SPON1: variants seen among roughly 807,000 people sequenced by gnomAD.
The protein encoded by SPON1 is spondin-1.
In SPON1, 52 loss-of-function variants were observed where a neutral mutation model predicts 111.7. That is an observed-to-expected ratio of 0.47 (90% CI 0.37 to 0.59). The LOEUF is 0.59. Ranked by LOEUF, SPON1 falls within the 20% of genes least tolerant of loss-of-function variation. The pLI is 0.00. For synonymous variants in SPON1, 410 were observed against 395.8 expected (o/e 1.04, Z -0.43); for missense variants, 957 against 1,068.5 (o/e 0.90, Z 1.46).
intron 6 of SPON1, among the ~76,000 whole-genome samples, chr11:14,157,835 G>T (rs1554930535): frequency 6.6e-6 from 1 of 151,770 alleles, no homozygotes; most frequent in Non-Finnish European, 1.5e-5. Context: ...ATTAATATTA[G>T]TTCTAGAATT....
chr11:14,030,615 G>A lies in SPON1; in HGVS notation c.346-10906G>A, dbSNP rs1377306881. ...TTGAAGAGATGCTAATGCAAAAAGG[G>A]ATGCTAGTTCAGAGACATGCAAATC... On this transcript the variant is annotated intron_variant, in intron 2 of 15. Transcript: ENST00000576479. Among the ~76,000 whole-genome samples the A allele has an allele frequency of 2.6e-5, 4 of 152,218 alleles. 1 individual carries two copies. The highest frequency in any genetic ancestry group is 2.6e-4 in the Admixed American group (4 of 15,280).
intron 6 of SPON1, among the ~76,000 whole-genome samples, chr11:14,219,340 A>G (rs782360272): frequency 2.6e-5 from 4 of 152,234 alleles, no homozygotes; most frequent in Non-Finnish European, 5.9e-5. Flanking sequence ...GGAAAAAGTT[A>G]TCCTAGTTTC....
chr11:14,068,054 A>C (rs1244320967), intron 3 of SPON1, among the ~76,000 whole-genome samples: 2 of 152,218 alleles, frequency 1.3e-5, no homozygotes, highest in Non-Finnish European at 2.9e-5. Context: ...TCACATCTAA[A>C]GTAGTTCTTT....
chr11:14,149,235 A>C (rs897514254), intron 6 of SPON1, among the ~76,000 whole-genome samples: 2 of 152,278 alleles, frequency 1.3e-5, no homozygotes, highest in East Asian at 3.9e-4. Flanking sequence ...GATGTTGATG[A>C]TCCTGACCCT....
chr11:14,162,050 C>G (rs1039293207), intron 6 of SPON1, among the ~76,000 whole-genome samples: 1 of 150,572 alleles, frequency 6.6e-6, no homozygotes, highest in Non-Finnish European at 1.5e-5. Context: ...CCCAGCTACT[C>G]GGGAGGCTGA....
At chr11:14,026,651 C>G (rs1554915346) in intron 2 of SPON1, among the ~76,000 whole-genome samples, 1 of 152,178 alleles carries the variant, frequency 6.6e-6, no homozygotes, top group Admixed American at 6.5e-5. Context: ...GAGAATACAA[C>G]AAGCTTCAGG....
At chr11:14,185,468 C>G (rs962364706) in intron 6 of SPON1, among the ~76,000 whole-genome samples, 8 of 152,214 alleles carry the variant, frequency 5.3e-5, no homozygotes, top group Admixed American at 2.0e-4. Flanking sequence ...TAGAATCTTG[C>G]AACCATTTTC....
chr11:14,128,880 T>A (rs1277192751), intron 5 of SPON1, among the ~76,000 whole-genome samples: 1 of 152,260 alleles, frequency 6.6e-6, no homozygotes, highest in Non-Finnish European at 1.5e-5. Flanking sequence ...AGCCAAGGCT[T>A]GGGGCTTGCA....
At chr11:14,010,090 G>A (rs181509836) in intron 2 of SPON1, among the ~76,000 whole-genome samples, 110 of 152,206 alleles carry the variant, frequency 7.2e-4, no homozygotes, top group Non-Finnish European at 1.1e-3. Context: ...ACAAATGAAG[G>A]GATAATGGAA....
intron 6 of SPON1, among the ~76,000 whole-genome samples, chr11:14,159,204 T>C (rs1275314637): frequency 1.3e-5 from 2 of 152,120 alleles, no homozygotes; most frequent in Non-Finnish European, 2.9e-5. Context: ...CTTTTTTCTG[T>C]TTTTTGAGTT....
chr11:14,029,577 C>G (rs996977684), intron 2 of SPON1, among the ~76,000 whole-genome samples: 1 of 152,140 alleles, frequency 6.6e-6, no homozygotes, highest in African/African-American at 2.4e-5. Context: ...CCGCCTCACA[C>G]GTTGAATCCC....
At chr11:14,201,619 A>G (rs1848465388) in intron 6 of SPON1, among the ~76,000 whole-genome samples, 2 of 152,100 alleles carry the variant, frequency 1.3e-5, no homozygotes, top group Non-Finnish European at 2.9e-5. Flanking sequence ...TCTGGTCTCA[A>G]ACTCCTGGGC....
At chr11:14,056,804 T>C (rs1311071586) in intron 3 of SPON1, among the ~76,000 whole-genome samples, 1 of 152,118 alleles carries the variant, frequency 6.6e-6, no homozygotes, top group East Asian at 1.9e-4. Flanking sequence ...GGCAGGAGAA[T>C]GGTGTGAACC....
intron 6 of SPON1, among the ~76,000 whole-genome samples, chr11:14,231,125 CT>C (rs1206681358): frequency 5.4e-5 from 8 of 147,740 alleles, no homozygotes; most frequent in South Asian, 2.2e-4. Context: ...CACTTTTTTT[CT>C]TTTTTTTCTT....
chr11:14,036,671 C>T (rs947367827), intron 2 of SPON1, among the ~76,000 whole-genome samples: 5 of 152,144 alleles, frequency 3.3e-5, no homozygotes, highest in Non-Finnish European at 7.3e-5. Context: ...TAATTAAAGC[C>T]ATGAGTTGAA....
chr11:14,240,417 T>C (rs1848912746), intron 6 of SPON1, among the ~76,000 whole-genome samples: 1 of 152,136 alleles, frequency 6.6e-6, no homozygotes, highest in Non-Finnish European at 1.5e-5. Context: ...AACCACTAGA[T>C]GAAAAGATTT....
At chr11:14,011,168 G>A (rs1230262671) in intron 2 of SPON1, among the ~76,000 whole-genome samples, 3 of 152,092 alleles carry the variant, frequency 2.0e-5, no homozygotes, top group Non-Finnish European at 4.4e-5. Context: ...TCTCCACTCT[G>A]TGGGTTTGAA....
chr11:14,254,714 C>T lies in SPON1; in HGVS notation c.1077C>T (p.Ser359=), dbSNP rs782566687. 26 of 1,613,656 alleles carry T rather than the reference C, an allele frequency of 1.6e-5. No individual in the cohort carries two copies. The highest frequency in any genetic ancestry group is 1.1e-4 in the East Asian group (5 of 44,882). Reference sequence around the variant, plus strand: ...TTCCCTGGGACGCTGGCACCGACAGCGGGGTGACCTATGAGGTGTGTGTGT... The same window carrying T: ...TTCCCTGGGACGCTGGCACCGACAGTGGGGTGACCTATGAGGTGTGTGTGT... ...DLIPWDAGTD[S]GVTYESPNKP... is the part of the protein sequence containing the mutation. The change falls in exon 8 of 16, where the codon AGC becomes AGT. Residue 359 remains serine (S), a synonymous_variant. Transcript: ENST00000576479.
intron 2 of SPON1, among the ~76,000 whole-genome samples, chr11:14,006,784 T>C (rs191461633): frequency 1.2e-4 from 18 of 152,312 alleles, no homozygotes; most frequent in African/African-American, 4.3e-4. Flanking sequence ...TCTTTGTGCT[T>C]ACACCTGAGC....
Sources: gnomAD v4.1 joint callset for allele counts (sites outside exome capture counted in the v4.1 genomes callset) on GRCh38, gnomAD v4.1.1 for gene constraint, MANE v1.5 for transcripts, NCBI Gene and HGNC (gene_info 2026-07-23, HGNC 2026-07-21) for gene names.